SPRR2G: variants seen among roughly 807,000 people sequenced by gnomAD.
SPRR2G encodes the protein small proline-rich protein 2G.
Under a neutral mutation model 0.7 loss-of-function variants are expected in SPRR2G, and 1 was observed. The observed-to-expected ratio is 1.49, with a 90% confidence interval of 0.53 to 7.06. The LOEUF (loss-of-function observed/expected upper bound fraction) is 7.06, where lower values mean the gene tolerates loss of function less well. Ranked by LOEUF, SPRR2G falls within the 30% of genes most tolerant of loss-of-function variation. The probability of loss-of-function intolerance (pLI) is 0.14; values close to 1 mark genes in which losing one functional copy is unlikely to be tolerated. For missense variants in SPRR2G, 96 were observed against 88.5 expected, an observed-to-expected ratio of 1.09 and a Z score of -0.34; for synonymous variants, 38 against 33.9, an observed-to-expected ratio of 1.12 and a Z score of -0.42.
chr1:153,155,381 T>C (rs777680338), upstream of SPRR2G, among the ~76,000 whole-genome samples: 2 of 152,158 alleles, frequency 1.3e-5, no homozygotes, highest in Non-Finnish European at 2.9e-5. Flanking sequence ...CTCTACTACA[T>C]GCTACTTATC....
chr1:153,180,007 G>A, the SPRR2G span, among the ~76,000 whole-genome samples: 1 of 152,122 alleles, frequency 6.6e-6, no homozygotes, highest in Non-Finnish European at 1.5e-5. Flanking sequence ...CTCTTATGCT[G>A]ACTTCATCAT....
the SPRR2G span, among the ~76,000 whole-genome samples, chr1:153,173,960 T>G: frequency 6.6e-6 from 1 of 152,228 alleles, no homozygotes; most frequent in Non-Finnish European, 1.5e-5. Context: ...TTCAGAGGCA[T>G]TCACATTTTT....
the SPRR2G span, among the ~76,000 whole-genome samples, chr1:153,202,877 C>A: frequency 6.6e-6 from 1 of 152,104 alleles, no homozygotes; most frequent in African/African-American, 2.4e-5. Flanking sequence ...CCTAACACAC[C>A]CCCATTCCAA....
At chr1:153,175,367 G>A in the SPRR2G span, among the ~76,000 whole-genome samples, 54 of 152,256 alleles carry the variant, frequency 3.5e-4, no homozygotes, top group Admixed American at 6.5e-4. Flanking sequence ...ACATTGACCC[G>A]TAAGGTTCTA....
At chr1:153,153,127 T>C (rs1421257524), upstream of SPRR2G, among the ~76,000 whole-genome samples, 1 of 152,180 alleles carries the variant, frequency 6.6e-6, no homozygotes, top group Non-Finnish European at 1.5e-5. Context: ...TAACCGTGGT[T>C]ATCTCAGGAG....
At chr1:153,166,398 G>GC in the SPRR2G span, among the ~76,000 whole-genome samples, 817 of 152,264 alleles carry the variant, frequency 5.4e-3, 12 homozygotes, top group Middle Eastern at 0.02. Flanking sequence ...AGTTACTTAG[G>GC]TTTTGTTGTT....
At chr1:153,196,243 C>A in the SPRR2G span, among the ~76,000 whole-genome samples, 1 of 152,138 alleles carries the variant, frequency 6.6e-6, no homozygotes, top group Non-Finnish European at 1.5e-5. Flanking sequence ...TCCCTGGTAA[C>A]CACTGTTACA....
upstream of SPRR2G, among the ~76,000 whole-genome samples, chr1:153,153,507 C>T (rs988470593): frequency 2.0e-5 from 3 of 152,080 alleles, no homozygotes; most frequent in African/African-American, 4.8e-5. Flanking sequence ...GTAAAACAAC[C>T]GTGTAAAGCT....
the SPRR2G span, among the ~76,000 whole-genome samples, chr1:153,189,165 TC>T: frequency 6.6e-6 from 1 of 152,354 alleles, no homozygotes; most frequent in Non-Finnish European, 1.5e-5. Flanking sequence ...CCAAAGTTTT[TC>T]TTTTACATTT....
the SPRR2G span, among the ~76,000 whole-genome samples, chr1:153,167,818 T>G: frequency 6.6e-6 from 1 of 152,214 alleles, no homozygotes; most frequent in African/African-American, 2.4e-5. Flanking sequence ...AAAGTCATGT[T>G]TGCCCTCCAC....
At chr1:153,164,963 G>T in the SPRR2G span, among the ~76,000 whole-genome samples, 4 of 152,204 alleles carry the variant, frequency 2.6e-5, no homozygotes, top group Non-Finnish European at 5.9e-5. Flanking sequence ...ACCTCTCCCT[G>T]GTGCAAACTT....
At chr1:153,155,800 A>G (rs76576296), upstream of SPRR2G, among the ~76,000 whole-genome samples, 4,706 of 152,230 alleles carry the variant, frequency 0.031, 243 homozygotes, top group African/African-American at 0.11. Flanking sequence ...ATGCCATATT[A>G]TTATTGTTTT....
the SPRR2G span, among the ~76,000 whole-genome samples, chr1:153,158,584 AC>A: frequency 3.9e-3 from 596 of 152,276 alleles, 9 homozygotes; most frequent in African/African-American, 0.013. Context: ...CAGTGGATCT[AC>A]CTTTCTGAAG....
the SPRR2G span, chr1:153,176,423 C>T: frequency 1.3e-5 from 2 of 152,268 alleles, no homozygotes; most frequent in East Asian, 1.9e-4. Flanking sequence ...CAGAAGATCC[C>T]ACTGGCATGA....
chr1:153,168,275 A>C, the SPRR2G span, among the ~76,000 whole-genome samples: 2 of 152,240 alleles, frequency 1.3e-5, no homozygotes, highest in Non-Finnish European at 2.9e-5. Context: ...TTCAACAAGC[A>C]GTCTGGGAAT....
the SPRR2G span, chr1:153,191,599 C>T: frequency 6.6e-6 from 1 of 152,202 alleles, no homozygotes; most frequent in Admixed American, 6.5e-5. Context: ...AAAATTCTAC[C>T]ATAGACTAAT....
chr1:153,172,628 A>G, the SPRR2G span, among the ~76,000 whole-genome samples: 1 of 152,246 alleles, frequency 6.6e-6, no homozygotes, highest in Admixed American at 6.5e-5. Flanking sequence ...GTACAAAAAA[A>G]GAGTTAGACA....
At chr1:153,160,313 T>C in the SPRR2G span, among the ~76,000 whole-genome samples, 2 of 152,248 alleles carry the variant, frequency 1.3e-5, no homozygotes, top group African/African-American at 4.8e-5. Context: ...CATCTGCTCA[T>C]AGACATTTAG....
At chr1:153,197,132 A>G in the SPRR2G span, among the ~76,000 whole-genome samples, 53 of 140,508 alleles carry the variant, frequency 3.8e-4, no homozygotes, top group Admixed American at 2.9e-3. Context: ...CAGGCAGAGA[A>G]TGTGTGTGTG....
Sources: allele counts gnomAD v4.1 joint callset (sites outside exome capture counted in the v4.1 genomes callset), GRCh38; gene constraint gnomAD v4.1.1; transcripts MANE v1.5; gene names NCBI Gene and HGNC (gene_info 2026-07-23, HGNC 2026-07-21).